Variants in SOCS2 observed in about 807,000 individuals in gnomAD.
The protein encoded by SOCS2 is CIS-2.
In SOCS2, 10 loss-of-function variants were observed where a neutral mutation model predicts 18.6. The ratio of observed to expected loss-of-function variants is 0.54; its 90% CI spans 0.33 to 0.91. The LOEUF (loss-of-function observed/expected upper bound fraction) is 0.91, where lower values mean the gene tolerates loss of function less well. Among genes scored for constraint, SOCS2 ranks in the 40% least tolerant of loss-of-function variants. The pLI is 0.02. For missense variants in SOCS2, 231 were observed against 247.2 expected, an observed-to-expected ratio of 0.93 and a Z score of 0.44; for synonymous variants, 104 against 104.0, an observed-to-expected ratio of 1.00 and a Z score of 0.00.
At chr12:93,622,371 A>G in the SOCS2 span, among the ~76,000 whole-genome samples, 32 of 152,180 alleles carry the variant, frequency 2.1e-4, no homozygotes, top group Non-Finnish European at 4.3e-4. Context: ...ACAGAGGCAC[A>G]AAAGTGTTGT....
the SOCS2 span, among the ~76,000 whole-genome samples, chr12:93,605,496 G>A: frequency 6.6e-6 from 1 of 152,164 alleles, no homozygotes; most frequent in African/African-American, 2.4e-5. Context: ...TATGGGAAAT[G>A]TTAATAGTTG....
chr12:93,605,890 G>A, the SOCS2 span, among the ~76,000 whole-genome samples: 14 of 152,222 alleles, frequency 9.2e-5, no homozygotes, highest in East Asian at 1.9e-4. Context: ...TCATTGCCAA[G>A]TACTTTACTT....
At chr12:93,577,534 TCCC>T (rs369426541), downstream of SOCS2, among the ~76,000 whole-genome samples, 1 of 149,366 alleles carries the variant, frequency 6.7e-6, no homozygotes. Flanking sequence ...TTTTTTTTTT[TCCC>T]CCGGGAGAGG....
chr12:93,577,578 T>G (rs1954484415), downstream of SOCS2, among the ~76,000 whole-genome samples: 1 of 152,010 alleles, frequency 6.6e-6, no homozygotes, highest in South Asian at 2.1e-4. Flanking sequence ...TGCTGAAAAT[T>G]TCTACATTGA....
At chr12:93,581,284 A>G (rs913327769), downstream of SOCS2, among the ~76,000 whole-genome samples, 1 of 152,260 alleles carries the variant, frequency 6.6e-6, no homozygotes, top group Non-Finnish European at 1.5e-5. Context: ...TTAACAACAT[A>G]GCACTGATCT....
the SOCS2 span, among the ~76,000 whole-genome samples, chr12:93,603,083 G>A: frequency 7.5e-4 from 114 of 152,308 alleles, no homozygotes; most frequent in East Asian, 9.6e-4. Flanking sequence ...AGACCAAGTC[G>A]TAGCTGTTCC....
intron 1 of SOCS2, among the ~76,000 whole-genome samples, chr12:93,581,820 TG>T (rs1954544525): frequency 1.3e-5 from 2 of 152,318 alleles, no homozygotes; most frequent in African/African-American, 4.8e-5. Flanking sequence ...ATGGAGAGGA[TG>T]GGGACTAACA....
chr12:93,601,136 G>GT, the SOCS2 span, among the ~76,000 whole-genome samples: 1 of 144,580 alleles, frequency 6.9e-6, no homozygotes, highest in African/African-American at 2.6e-5. Context: ...TATACCTTCT[G>GT]TTAGTTTTGT....
At chr12:93,614,536 C>CT in the SOCS2 span, among the ~76,000 whole-genome samples, 7 of 60,942 alleles carry the variant, frequency 1.1e-4, no homozygotes, top group Admixed American at 6.6e-4. Flanking sequence ...TCCTTCCTTC[C>CT]TTCCTTCTTT....
At chr12:93,614,389 CTTTCTTTCTTTCTTT>C in the SOCS2 span, among the ~76,000 whole-genome samples, 1 of 139,120 alleles carries the variant, frequency 7.2e-6, no homozygotes, top group Admixed American at 7.3e-5. Context: ...TTCTTTCTTT[CTTTCTTTCTTTCTTT>C]CTTTCTTTCT....
At chr12:93,610,438 A>T in the SOCS2 span, among the ~76,000 whole-genome samples, 1 of 152,180 alleles carries the variant, frequency 6.6e-6, no homozygotes. Flanking sequence ...GTGAGTTTGT[A>T]TTTCTGACAA....
chr12:93,571,077 C>A (rs759159012), upstream of SOCS2: 1 of 154,202 alleles, frequency 6.5e-6, no homozygotes, highest in Non-Finnish European at 1.5e-5. Flanking sequence ...CCGCGGCTGG[C>A]GGGCCTTGGG....
At chr12:93,582,891 A>G (rs1002445068) in intron 1 of SOCS2, 2 of 151,970 alleles carry the variant, frequency 1.3e-5, no homozygotes, top group African/African-American at 4.8e-5. Flanking sequence ...GGCTCCACCT[A>G]TCAGTGGAGT....
chr12:93,571,806 T>C, upstream of SOCS2: 1 of 408,584 alleles, frequency 2.4e-6, no homozygotes, highest in Admixed American at 2.8e-5. Context: ...ACGCCCCTCC[T>C]CTCCCGGGCC....
At chr12:93,605,364 A>G in the SOCS2 span, among the ~76,000 whole-genome samples, 1 of 152,204 alleles carries the variant, frequency 6.6e-6, no homozygotes. Flanking sequence ...ATAAATACAC[A>G]ATGGGGAAAA....
At chr12:93,589,837 C>G in the SOCS2 span, among the ~76,000 whole-genome samples, 1 of 151,838 alleles carries the variant, frequency 6.6e-6, no homozygotes, top group Non-Finnish European at 1.5e-5. Context: ...GTTATTAGAA[C>G]TTTGTGGCAA....
chr12:93,623,574 C>A, the SOCS2 span, among the ~76,000 whole-genome samples: 1 of 152,082 alleles, frequency 6.6e-6, no homozygotes, highest in South Asian at 2.1e-4. Context: ...AAGCACCAAC[C>A]AATATTTATG....
At chr12:93,616,716 G>A in the SOCS2 span, among the ~76,000 whole-genome samples, 2 of 152,162 alleles carry the variant, frequency 1.3e-5, no homozygotes, top group African/African-American at 4.8e-5. Flanking sequence ...GTGCTCCGGG[G>A]ACAAGTGGGA....
chr12:93,572,050 C>T (rs1320917046), upstream of SOCS2: 6 of 205,404 alleles, frequency 2.9e-5, no homozygotes, highest in Non-Finnish European at 6.0e-5. The surrounding 1 kb of genome is among the most constrained non-coding windows in gnomAD (Gnocchi z 5.0). Flanking sequence ...CGGCGAGAAC[C>T]ACCGCAGCCA....
Sources: allele counts gnomAD v4.1 joint callset (sites outside exome capture counted in the v4.1 genomes callset), GRCh38; gene constraint gnomAD v4.1.1; non-coding constraint Gnocchi (gnomAD v3.1); transcripts MANE v1.5; gene names NCBI Gene and HGNC (gene_info 2026-07-23, HGNC 2026-07-21).